The following WWOX variants were observed in gnomAD, a reference collection of about 807,000 sequenced individuals.
WWOX encodes the protein WW domain-containing oxidoreductase.
A neutral mutation model predicts 46.2 loss-of-function variants in WWOX; 69 were observed. The observed-to-expected ratio is 1.49, with a 90% CI of 1.23 to 1.82. The LOEUF is 1.82. WWOX is among the 40% of genes most tolerant of loss of function. The pLI, the probability that WWOX is intolerant of heterozygous loss-of-function variation, is 0.00. For missense variants in WWOX, 919 were observed against 542.6 expected, an observed-to-expected ratio of 1.69 and a Z score of -6.89; for synonymous variants, 359 against 202.6, an observed-to-expected ratio of 1.77 and a Z score of -6.56.
chr16:78,843,093 T>C (rs1389550402), intron 8 of WWOX, among the ~76,000 whole-genome samples: 1 of 149,972 alleles, frequency 6.7e-6, no homozygotes, highest in Non-Finnish European at 1.5e-5. Context: ...CTTCTCTTGT[T>C]AATTTTTTTT....
chr16:78,849,007 C>T (rs968332178), intron 8 of WWOX, among the ~76,000 whole-genome samples: 1 of 152,186 alleles, frequency 6.6e-6, no homozygotes, highest in African/African-American at 2.4e-5. Context: ...ACATAGTTAC[C>T]ATGAGCAGCA....
chr16:79,039,048 A>C (rs931043075), intron 8 of WWOX, among the ~76,000 whole-genome samples: 10 of 152,236 alleles, frequency 6.6e-5, no homozygotes, highest in African/African-American at 2.4e-4. Context: ...TTAAACCTCT[A>C]CGTTGGGATT....
intron 5 of WWOX, among the ~76,000 whole-genome samples, chr16:78,238,561 G>A (rs374716179): frequency 1.8e-4 from 27 of 152,048 alleles, no homozygotes; most frequent in Admixed American, 1.2e-3. Flanking sequence ...CATTGTTATA[G>A]GATGTTGCCC....
At position 78,101,056 on chromosome 16, in the gene WWOX, T is replaced by TA; in HGVS notation, c.107+1171_107+1172insA. 1.3e-5 allele frequency among the ~76,000 whole-genome samples: 2 copies of TA among 151,714 alleles called. 1 individual carries two copies. Among genetic ancestry groups the TA allele is most frequent in the East Asian group, 3.9e-4 (2 of 5,118 alleles). On this transcript the variant is annotated intron_variant, in intron 1 of 8. Transcript: ENST00000566780. ...ACTTCCAGAGGGTTTTTCTTTTTTTTTTTTCTTTTGAGACGGAGTCTTGCT... is the reference window on the plus strand; with the variant it reads ...ACTTCCAGAGGGTTTTTCTTTTTTTTATTTTCTTTTGAGACGGAGTCTTGCT...
intron 8 of WWOX, among the ~76,000 whole-genome samples, chr16:78,915,071 C>CT (rs1293307811): frequency 6.6e-6 from 1 of 151,998 alleles, no homozygotes; most frequent in African/African-American, 2.4e-5. Flanking sequence ...GGGCTCTGAG[C>CT]AGGAGATGGA....
At chr16:78,457,840 C>T (rs148770051) in intron 8 of WWOX, among the ~76,000 whole-genome samples, 1,585 of 147,768 alleles carry the variant, frequency 0.011, 20 homozygotes, top group African/African-American at 0.035. Flanking sequence ...GGCCTGATCC[C>T]GGGAGGCGGA....
intron 8 of WWOX, among the ~76,000 whole-genome samples, chr16:78,645,564 G>A (rs1322815041): frequency 6.6e-6 from 1 of 152,128 alleles, no homozygotes; most frequent in South Asian, 2.1e-4. Flanking sequence ...GGTGGAAAGT[G>A]AAGGGGAGCC....
At position 79,180,006 on chromosome 16, in the gene WWOX, C is replaced by G. The variant is rs1285998426; in HGVS notation, c.1057-31602C>G. ...ATTCCTAGACCAGGTTTTTTTTTTC[C>G]CCTTATCCCATAGAAGATGGTTGTT... On this transcript the variant is annotated intron_variant, in intron 8 of 8. Transcript: ENST00000566780. Among the ~76,000 whole-genome samples, 3 of 151,258 alleles carry G rather than the reference C, an allele frequency of 2.0e-5. No homozygotes were observed. In the East Asian group the frequency reaches 5.8e-4, roughly 29 times the overall value.
At chr16:78,263,787 A>G (rs746984307) in intron 5 of WWOX, among the ~76,000 whole-genome samples, 1 of 152,148 alleles carries the variant, frequency 6.6e-6, no homozygotes, top group South Asian at 2.1e-4. Context: ...TAGAAAGGAT[A>G]TCAGTTTTCC....
intron 8 of WWOX, among the ~76,000 whole-genome samples, chr16:79,068,624 A>AC (rs1386731020): frequency 6.7e-6 from 1 of 150,300 alleles, no homozygotes; most frequent in African/African-American, 2.4e-5. Flanking sequence ...ACATGGTGAG[A>AC]CCCCCATCTC....
intron 8 of WWOX, among the ~76,000 whole-genome samples, chr16:78,656,989 A>G (rs1212539046): frequency 2.0e-5 from 3 of 152,170 alleles, no homozygotes; most frequent in Non-Finnish European, 2.9e-5. Context: ...CTTCGGGCAC[A>G]TGGTGGATGA....
chr16:79,018,776 T>C (rs2047469054), intron 8 of WWOX, among the ~76,000 whole-genome samples: 1 of 152,286 alleles, frequency 6.6e-6, no homozygotes, highest in Admixed American at 6.5e-5. Flanking sequence ...CTGTGCTAAA[T>C]ACAGTGCTTT....
chr16:78,655,354 C>T (rs922436660), intron 8 of WWOX, among the ~76,000 whole-genome samples: 9 of 152,138 alleles, frequency 5.9e-5, no homozygotes, highest in Admixed American at 2.0e-4. Flanking sequence ...GATATAATAA[C>T]GTTGGCTTGA....
chr16:78,300,615 A>G (rs1252944166), intron 5 of WWOX, among the ~76,000 whole-genome samples: 1 of 151,672 alleles, frequency 6.6e-6, no homozygotes, highest in African/African-American at 2.4e-5. Flanking sequence ...ATGCAATGGC[A>G]TTACTAATGG....
chr16:78,877,596 A>G (rs2044260291), intron 8 of WWOX, among the ~76,000 whole-genome samples: 2 of 152,216 alleles, frequency 1.3e-5, no homozygotes, highest in Admixed American at 1.3e-4. Flanking sequence ...TATATCACAT[A>G]GATACAGACA....
chr16:79,203,169 G>A (rs932149391), intron 8 of WWOX: 1 of 152,184 alleles, frequency 6.6e-6, no homozygotes, highest in Non-Finnish European at 1.5e-5. Context: ...CCACTGTGAA[G>A]AGATCTCTCT....
chr16:78,581,082 G>A (rs1355993457), intron 8 of WWOX, among the ~76,000 whole-genome samples: 2 of 151,912 alleles, frequency 1.3e-5, no homozygotes, highest in Non-Finnish European at 2.9e-5. Flanking sequence ...TTTAATCTAA[G>A]AGCTTTCTTG....
chr16:78,632,523 C>G (rs1389404223), intron 8 of WWOX, among the ~76,000 whole-genome samples: 1 of 148,436 alleles, frequency 6.7e-6, no homozygotes, highest in East Asian at 2.0e-4. Context: ...CCTCCTCATA[C>G]CACAGACACT....
chr16:79,075,700 A>G (rs1250589849), intron 8 of WWOX, among the ~76,000 whole-genome samples: 1 of 151,992 alleles, frequency 6.6e-6, no homozygotes, highest in African/African-American at 2.4e-5. Flanking sequence ...CTATAGGTGT[A>G]CATCACCACA....
Sources: allele counts gnomAD v4.1 joint callset (sites outside exome capture counted in the v4.1 genomes callset), GRCh38; gene constraint gnomAD v4.1.1; transcripts MANE v1.5; gene names NCBI Gene and HGNC (gene_info 2026-07-23, HGNC 2026-07-21).